The following PUS7 variants were observed in gnomAD, a reference collection of about 807,000 sequenced individuals.
The protein encoded by PUS7 is pseudouridine synthase 7, also known as pseudouridylate synthase 7 homolog.
Under a neutral mutation model 79.8 loss-of-function variants are expected in PUS7, and 48 were observed. That is an observed-to-expected ratio of 0.60 (90% CI 0.48 to 0.76). PUS7 has a LOEUF of 0.76. Among genes scored for constraint, PUS7 ranks in the 30% least tolerant of loss-of-function variants. The pLI, the probability that PUS7 is intolerant of heterozygous loss-of-function variation, is 0.00. For missense variants in PUS7, 729 were observed against 797.6 expected, an observed-to-expected ratio of 0.91 and a Z score of 1.04; for synonymous variants, 286 against 272.2, an observed-to-expected ratio of 1.05 and a Z score of -0.50.
chr7:105,473,518 A>C (rs775016913), intron 9 of PUS7, among the ~76,000 whole-genome samples: 102 of 150,564 alleles, frequency 6.8e-4, no homozygotes, highest in Non-Finnish European at 2.2e-4. Flanking sequence ...TGCCGGGTCC[A>C]AGCGATTCTT....
intron 5 of PUS7, among the ~76,000 whole-genome samples, chr7:105,495,887 G>A (rs956250988): frequency 1.3e-5 from 2 of 152,110 alleles, no homozygotes; most frequent in East Asian, 1.9e-4. Flanking sequence ...TAGGCCGAGT[G>A]TAATCCCATG....
intron 2 of PUS7, among the ~76,000 whole-genome samples, chr7:105,506,685 A>G (rs887916427): frequency 3.9e-5 from 6 of 152,070 alleles, no homozygotes; most frequent in Non-Finnish European, 8.8e-5. Context: ...GGCCTCCCAA[A>G]GTGCTGGGAT....
chr7:105,504,146 T>A (rs982940155), intron 4 of PUS7, among the ~76,000 whole-genome samples: 1 of 137,162 alleles, frequency 7.3e-6, no homozygotes. Context: ...CTCGGCTCAC[T>A]GCAACCTCCA....
intron 1 of PUS7, among the ~76,000 whole-genome samples, chr7:105,513,097 G>T (rs1825761490): frequency 6.6e-6 from 1 of 152,168 alleles, no homozygotes; most frequent in Admixed American, 6.5e-5. Flanking sequence ...TTCCTGGGGA[G>T]ACATCCCAGT....
At chr7:105,458,615 C>T (rs989975344) in intron 15 of PUS7, among the ~76,000 whole-genome samples, 21 of 148,920 alleles carry the variant, frequency 1.4e-4, no homozygotes, top group African/African-American at 5.0e-4. Flanking sequence ...TTTTGTCACC[C>T]AGGCTGGAGT....
At position 105,502,237 on chromosome 7, in the gene PUS7, G is replaced by T. The variant is rs1403022909; in HGVS notation, c.730+183C>A. On this transcript the variant is annotated intron_variant, in intron 5 of 15. Coordinates refer to ENST00000469408, the MANE Select transcript of PUS7 (RefSeq NM_019042.5). ...AGACCTAATGCCCCTTGCCAGGCAG[G>T]CTGCAGGACTGCGCTGGCATCTGAA... Among the ~76,000 whole-genome samples the T allele has an allele frequency of 2.0e-5, 3 of 152,114 alleles. No homozygotes were observed. In the South Asian group the frequency reaches 6.2e-4, roughly 32 times the overall value.
At position 105,482,573 on chromosome 7, in the gene PUS7, T is replaced by C. The variant is rs968798487; in HGVS notation, c.921-133A>G. On this transcript the variant is annotated intron_variant, in intron 7 of 15. Transcript: ENST00000469408. Reference sequence around the variant, plus strand: ...ATGACCCCCTGAAAGGAAAAGGCACTGCAGCAGGTGAGGTGGGCGTGTCCT... The same window carrying C: ...ATGACCCCCTGAAAGGAAAAGGCACCGCAGCAGGTGAGGTGGGCGTGTCCT... The C allele has an allele frequency of 6.8e-6, 6 of 879,650 alleles. No individual in the cohort carries two copies. In the Admixed American group the frequency reaches 8.3e-5, roughly 12 times the overall value. 54.5% of individuals were successfully genotyped at this position (879,650 alleles called of 1,614,324 possible).
At chr7:105,498,088 G>A (rs1445101177) in intron 5 of PUS7, among the ~76,000 whole-genome samples, 1 of 152,086 alleles carries the variant, frequency 6.6e-6, no homozygotes, top group Non-Finnish European at 1.5e-5. Flanking sequence ...TATGAGTTTT[G>A]GCTCACAAGC....
intron 7 of PUS7, among the ~76,000 whole-genome samples, chr7:105,483,892 G>GT (rs1824435186): frequency 6.6e-6 from 1 of 152,134 alleles, no homozygotes; most frequent in South Asian, 2.1e-4. Context: ...GTCTAGCCTT[G>GT]TTTTTCATGA....
chr7:105,491,882 C>A (rs1824796458), intron 6 of PUS7, among the ~76,000 whole-genome samples: 1 of 151,792 alleles, frequency 6.6e-6, no homozygotes, highest in African/African-American at 2.4e-5. Context: ...TATGGTGAAA[C>A]CCCATCTGTA....
At position 105,460,132 on chromosome 7, in the gene PUS7, G is replaced by A. The variant is rs181877979; in HGVS notation, c.1758-873C>T. On this transcript the variant is annotated intron_variant, in intron 14 of 15. Transcript: ENST00000469408. The stretch of plus-strand genomic sequence containing the variant: ...TTTTTGTATTTTTAGTAGAGATGGC[G>A]TTTCACCGTGTTAGCCAGGATGGTC... Among the ~76,000 whole-genome samples the A allele has an allele frequency of 1.9e-3, 282 of 152,064 alleles. 1 individual carries two copies. The highest frequency in any genetic ancestry group is 0.01 in the Middle Eastern group (3 of 292).
intron 6 of PUS7, among the ~76,000 whole-genome samples, chr7:105,492,695 C>T (rs1272214737): frequency 3.3e-5 from 5 of 151,400 alleles, no homozygotes; most frequent in African/African-American, 7.3e-5. Context: ...TTAGTAGAGA[C>T]GGGGTTTCAC....
chr7:105,474,632 AT>A (rs1824012647), intron 9 of PUS7, among the ~76,000 whole-genome samples: 3 of 124,210 alleles, frequency 2.4e-5, no homozygotes, highest in East Asian at 5.1e-4. Context: ...AAAAAAAAAA[AT>A]AATCGGGCGT....
chr7:105,460,604 C>T (rs1346964520), intron 14 of PUS7, among the ~76,000 whole-genome samples: 2 of 151,906 alleles, frequency 1.3e-5, no homozygotes, highest in Non-Finnish European at 2.9e-5. Flanking sequence ...CCTGTAATCC[C>T]AGCACTTTGG....
intron 9 of PUS7, among the ~76,000 whole-genome samples, chr7:105,478,290 G>A (rs1824187616): frequency 6.6e-6 from 1 of 152,158 alleles, no homozygotes; most frequent in Non-Finnish European, 1.5e-5. Flanking sequence ...ATGAACATCT[G>A]TATAAACTTT....
At chr7:105,471,196 A>G (rs2133079533) in intron 10 of PUS7, among the ~76,000 whole-genome samples, 1 of 152,268 alleles carries the variant, frequency 6.6e-6, no homozygotes, top group Non-Finnish European at 1.5e-5. Context: ...AAATTAGATA[A>G]TTTTATCTTT....
intron 9 of PUS7, among the ~76,000 whole-genome samples, chr7:105,474,962 T>C (rs2133097389): frequency 6.6e-6 from 1 of 152,312 alleles, no homozygotes; most frequent in African/African-American, 2.4e-5. Flanking sequence ...GCAACAAATA[T>C]TGAATGGCCC....
chr7:105,462,427 T>C, intron 14 of PUS7, 194 bp downstream of exon 14: 1 of 551,004 alleles, frequency 1.8e-6, no homozygotes, highest in South Asian at 2.5e-5. Flanking sequence ...TGAAACTCCG[T>C]CTCAAAAAAA....
Position 105,508,143 on chromosome 7 carries a change from G to C in PUS7, c.370C>G (p.Gln124Glu), listed in dbSNP as rs1554351397. The part of the protein sequence containing the change: ...VGITKFVSSH[Q>E]GFSGILKERY... The stretch of plus-strand genomic sequence containing the variant: ...TCTTTTAAGATTCCCGAGAACCCTT[G>C]ATGAGAACTCACAAACTTGGTGATG... Residue 124 changes from glutamine (Q) to glutamate (E), a missense_variant, in exon 2 of 16, where the codon CAA becomes GAA. Physicochemically the swap from Gln to Glu is conservative, Grantham distance 29. Transcript: ENST00000469408. The C allele has an allele frequency of 1.2e-6, 2 of 1,613,982 alleles. No individual in the cohort carries two copies. Among genetic ancestry groups the C allele is most frequent in the Admixed American group, 3.3e-5 (2 of 60,004 alleles).
Sources: gnomAD v4.1 joint callset for allele counts (sites outside exome capture counted in the v4.1 genomes callset) on GRCh38, gnomAD v4.1.1 for gene constraint, MANE v1.5 for transcripts, NCBI Gene and HGNC (gene_info 2026-07-23, HGNC 2026-07-21) for gene names.